Variants in SAMMSON observed in about 807,000 individuals in gnomAD.
The protein encoded by SAMMSON is survival associated mitochondrial melanoma specific oncogenic non-coding RNA.
intron 4 of SAMMSON, among the ~76,000 whole-genome samples, chr3:70,195,893 T>C (rs566892771): frequency 6.6e-6 from 1 of 152,294 alleles, no homozygotes; most frequent in South Asian, 2.1e-4. Flanking sequence ...CTATATCACA[T>C]CTTTTTCTTA....
chr3:70,274,167 C>T lies in SAMMSON; in HGVS notation n.675-17012C>T, dbSNP rs566576286. 2.7e-5 allele frequency among the ~76,000 whole-genome samples: 4 copies of T among 150,152 alleles called. No individual in the cohort carries two copies. In the East Asian group the frequency reaches 5.9e-4, roughly 22 times the overall value. On this transcript the variant is annotated intron_variant and non_coding_transcript_variant, in intron 6 of 9. Transcript: ENST00000642114. ...AATAATGTGAAATTATACTCTCATACATATGTGTAGGGGGTGGGGGATGTG... is the reference window on the plus strand; with the variant it reads ...AATAATGTGAAATTATACTCTCATATATATGTGTAGGGGGTGGGGGATGTG...
chr3:70,339,034 C>G lies in SAMMSON; in HGVS notation n.740-15141C>G, dbSNP rs192763824. ...AGGCTACAGTAACCAAAACAGCATG[C>G]TACTGGTACCAAAACAGAGATATAG... On this transcript the variant is annotated intron_variant and non_coding_transcript_variant, in intron 7 of 9. Transcript: ENST00000642114. 5.3e-4 allele frequency among the ~76,000 whole-genome samples: 81 copies of G among 152,048 alleles called. No homozygotes were observed. The East Asian group carries it at 0.01, about 19-fold the overall frequency.
chr3:70,293,320 A>G (rs1002511056), intron 7 of SAMMSON, among the ~76,000 whole-genome samples: 1 of 152,170 alleles, frequency 6.6e-6, no homozygotes, highest in African/African-American at 2.4e-5. Flanking sequence ...AAAAACTGTG[A>G]TATAGTTGTA....
intron 2 of SAMMSON, among the ~76,000 whole-genome samples, chr3:70,426,023 T>G (rs908026837): frequency 6.6e-6 from 1 of 152,198 alleles, no homozygotes; most frequent in Non-Finnish European, 1.5e-5. Context: ...GAAGCAATAT[T>G]GATTGGAAGG....
intron 6 of SAMMSON, among the ~76,000 whole-genome samples, chr3:70,264,547 T>C (rs2106664600): frequency 6.6e-6 from 1 of 152,340 alleles, no homozygotes; most frequent in South Asian, 2.1e-4. Flanking sequence ...GCATGGACTT[T>C]GAACAAAGTG....
intron 2 of SAMMSON, among the ~76,000 whole-genome samples, chr3:70,415,744 T>C (rs1701260044): frequency 6.6e-6 from 1 of 152,176 alleles, no homozygotes; most frequent in African/African-American, 2.4e-5. Flanking sequence ...TTTTGAAGAG[T>C]AACATTAGAA....
At chr3:70,278,100 G>A (rs1381286153) in intron 6 of SAMMSON, among the ~76,000 whole-genome samples, 1 of 151,890 alleles carries the variant, frequency 6.6e-6, no homozygotes, top group Non-Finnish European at 1.5e-5. Context: ...CATTTCCCCC[G>A]CCTCCCAGTC....
intron 4 of SAMMSON, among the ~76,000 whole-genome samples, chr3:70,244,434 T>A (rs1404578304): frequency 1.3e-5 from 2 of 152,190 alleles, no homozygotes; most frequent in African/African-American, 4.8e-5. Flanking sequence ...TCAATTAAAA[T>A]AACATGTAAA....
chr3:70,335,063 G>A (rs200113776), intron 7 of SAMMSON, among the ~76,000 whole-genome samples: 34 of 146,636 alleles, frequency 2.3e-4, no homozygotes, highest in South Asian at 6.5e-4. Context: ...CTGCTTTGGG[G>A]AAAAAAAAAA....
chr3:70,427,623 A>C (rs891531548), intron 2 of SAMMSON, among the ~76,000 whole-genome samples: 22 of 151,972 alleles, frequency 1.4e-4, no homozygotes, highest in Admixed American at 1.0e-3. Flanking sequence ...CTGTAGTCCC[A>C]GCTACTTGGG....
chr3:70,152,195 T>G (rs542322577), intron 4 of SAMMSON, among the ~76,000 whole-genome samples: 125 of 152,092 alleles, frequency 8.2e-4, no homozygotes, highest in Middle Eastern at 3.4e-3. Context: ...CTATTGAAAT[T>G]GAACACTTGA....
chr3:70,318,291 G>C (rs1702509335), intron 7 of SAMMSON, among the ~76,000 whole-genome samples: 2 of 151,828 alleles, frequency 1.3e-5, no homozygotes, highest in African/African-American at 4.8e-5. Context: ...GTTCATAGAG[G>C]CTTTGATCAT....
At position 70,114,787 on chromosome 3, in the gene SAMMSON, A is replaced by G. The variant is rs977055601; in HGVS notation, n.507+43222A>G. Reference sequence around the variant, plus strand: ...AATATCCCATGATGGTTCAATTATAATATAGGATTCAAAGCATTACTATAT... The same window carrying G: ...AATATCCCATGATGGTTCAATTATAGTATAGGATTCAAAGCATTACTATAT... On this transcript the variant is annotated intron_variant and non_coding_transcript_variant, in intron 4 of 9. Transcript: ENST00000642114. 3.9e-5 allele frequency among the ~76,000 whole-genome samples: 6 copies of G among 152,352 alleles called. No individual in the cohort carries two copies. In the South Asian group the frequency reaches 6.2e-4, roughly 16 times the overall value.
chr3:70,036,381 C>G (rs1351842613), intron 3 of SAMMSON, among the ~76,000 whole-genome samples: 2 of 152,158 alleles, frequency 1.3e-5, no homozygotes, highest in African/African-American at 2.4e-5. Flanking sequence ...TGAACAAGCT[C>G]TCCCCCACTG....
chr3:70,114,490 G>A (rs529614889), intron 4 of SAMMSON, among the ~76,000 whole-genome samples: 1 of 152,226 alleles, frequency 6.6e-6, no homozygotes, highest in Admixed American at 6.5e-5. Flanking sequence ...CCACTCAAAG[G>A]CATTTTTAGT....
intron 4 of SAMMSON, among the ~76,000 whole-genome samples, chr3:70,234,224 G>T (rs1373677803): frequency 2.0e-5 from 3 of 152,148 alleles, no homozygotes; most frequent in Non-Finnish European, 4.4e-5. Context: ...CACTTAGAGG[G>T]CTGGGTTGAC....
chr3:70,390,539 G>A (rs1412327054), downstream of SAMMSON, among the ~76,000 whole-genome samples: 1 of 152,042 alleles, frequency 6.6e-6, no homozygotes, highest in African/African-American at 2.4e-5. Flanking sequence ...ACATCACATG[G>A]CAAAAGCAGG....
intron 4 of SAMMSON, among the ~76,000 whole-genome samples, chr3:70,108,423 C>CTTTTTTTTTTTTTTTT (rs61561713): frequency 0.019 from 1,711 of 89,106 alleles, 244 homozygotes; most frequent in East Asian, 0.055. Flanking sequence ...CTTGCGGTTC[C>CTTTTTTTTTTTTTTTT]TTTTTTTTTT....
At chr3:70,177,699 C>A (rs1410567085) in intron 4 of SAMMSON, among the ~76,000 whole-genome samples, 1 of 152,120 alleles carries the variant, frequency 6.6e-6, no homozygotes, top group Admixed American at 6.5e-5. Flanking sequence ...ATGGGGTCCT[C>A]ACAGTTATCC....
Sources: allele counts gnomAD v4.1 joint callset (sites outside exome capture counted in the v4.1 genomes callset), GRCh38; gene constraint gnomAD v4.1.1; transcripts MANE v1.5; gene names NCBI Gene and HGNC (gene_info 2026-07-23, HGNC 2026-07-21).